KASH5: variants seen among roughly 807,000 people sequenced by gnomAD.
KASH5 encodes the protein protein KASH5.
In KASH5, 72 loss-of-function variants were observed where a neutral mutation model predicts 84.2. The ratio of observed to expected loss-of-function variants is 0.85; its 90% CI spans 0.71 to 1.04. KASH5 has a LOEUF of 1.04. Among genes scored for constraint, KASH5 ranks in the 50% least tolerant of loss-of-function variants. KASH5 has a pLI of 0.00. For synonymous variants in KASH5, 260 were observed against 279.1 expected, an observed-to-expected ratio of 0.93 and a Z score of 0.68; for missense variants, 650 against 701.0, an observed-to-expected ratio of 0.93 and a Z score of 0.82.
intron 16 of KASH5, among the ~76,000 whole-genome samples, chr19:49,413,866 G>A (rs1270039386): frequency 6.6e-6 from 1 of 152,110 alleles, no homozygotes; most frequent in African/African-American, 2.4e-5. Context: ...ATCAGATAGT[G>A]TATGTCTGAC....
Position 49,393,966 on chromosome 19 carries a change from C to T in KASH5, c.44-510C>T, listed in dbSNP as rs1044261833. On this transcript the variant is annotated intron_variant, in intron 2 of 19. Coordinates refer to ENST00000447857, the MANE Select transcript of KASH5 (RefSeq NM_144688.5). ...TGGCCATGGGCTCCAATGATGCCAC[C>T]CTTGCCTTAGGGATGCAGGGAGGAG... 1.3e-4 allele frequency among the ~76,000 whole-genome samples: 20 copies of T among 152,290 alleles called. No individual in the cohort carries two copies. The East Asian group carries it at 3.9e-3, about 29-fold the overall frequency.
chr19:49,394,255 AG>A (rs988591694), intron 2 of KASH5, among the ~76,000 whole-genome samples: 3 of 152,158 alleles, frequency 2.0e-5, no homozygotes, highest in African/African-American at 4.8e-5. Flanking sequence ...AAAAGACAGC[AG>A]GGGGGACTTC....
At position 49,414,686 on chromosome 19, in the gene KASH5, G is replaced by A. The variant is rs74942413; in HGVS notation, c.1329-265G>A. Among the ~76,000 whole-genome samples the A allele has an allele frequency of 0.019, 2,846 of 146,358 alleles. 47 individuals carry two copies. The highest frequency in any genetic ancestry group is 0.064 in the African/African-American group (2,342 of 36,716). ...CATATGCAGGACACCCCCCAGGCCC[G>A]TCCGTGCTGCCTGGCCTCCCCCAGG... On this transcript the variant is annotated intron_variant, in intron 16 of 19. Transcript: ENST00000447857. The surrounding 1 kb of genome is among the most constrained non-coding windows in gnomAD (Gnocchi z 4.5).
intron 9 of KASH5, among the ~76,000 whole-genome samples, chr19:49,405,480 A>G (rs1352388857): frequency 6.6e-6 from 1 of 151,414 alleles, no homozygotes; most frequent in Non-Finnish European, 1.5e-5. Context: ...AAAAAGAAAG[A>G]AAAAGGAGCA....
chr19:49,413,765 G>A (rs779389093), intron 16 of KASH5, among the ~76,000 whole-genome samples: 4 of 152,152 alleles, frequency 2.6e-5, no homozygotes, highest in Non-Finnish European at 4.4e-5. Flanking sequence ...TGGGAGTGAG[G>A]AAGGTGGTGA....
intron 17 of KASH5, chr19:49,415,515 A>T (rs1438805921): frequency 2.5e-5 from 5 of 204,054 alleles, no homozygotes; most frequent in Non-Finnish European, 5.0e-5. Flanking sequence ...AGAGGTGAGG[A>T]GCCCTCAGTT....
In KASH5 at chr19:49,399,548, C is replaced by T; in HGVS notation, c.798+41C>T. 1 of 1,579,840 alleles carries T rather than the reference C, an allele frequency of 6.3e-7. No individual in the cohort carries two copies. The highest frequency in any genetic ancestry group is 8.6e-7 in the Non-Finnish European group (1 of 1,162,554). On this transcript the variant is annotated intron_variant, in intron 9 of 19. Transcript: ENST00000447857. The surrounding 1 kb of genome is among the most constrained non-coding windows in gnomAD (Gnocchi z 4.4). ...GCACCACCCCCACCCCTTCCCCAGT[C>T]CTTAAGGTCTTCTTGACACCACTCC... is the stretch of plus-strand genomic sequence containing the variant.
At chr19:49,389,688 G>C (rs1195693933) in intron 1 of KASH5, 1 of 152,372 alleles carries the variant, frequency 6.6e-6, no homozygotes, top group Non-Finnish European at 1.5e-5. Context: ...GCCCAGGCTC[G>C]ACTGGTGGCC....
In KASH5 at chr19:49,395,852, G is replaced by C. The variant is rs1241197074; in HGVS notation, c.400+19G>C. The C allele has an allele frequency of 6.5e-7, 1 of 1,548,920 alleles. No individual in the cohort carries two copies. The highest frequency in any genetic ancestry group is 8.7e-7 in the Non-Finnish European group (1 of 1,145,614). On this transcript the variant is annotated intron_variant, in intron 5 of 19. Coordinates refer to ENST00000447857, the MANE Select transcript of KASH5 (RefSeq NM_144688.5). This position sits in a 1 kb window ranked among gnomAD's most constrained non-coding sequence, Gnocchi z 4.4. ...CCATCTGGTGAGATTGCTATATATA[G>C]AATGAAGCAGGCAGGCCCTGGGTCA... is the stretch of plus-strand genomic sequence containing the variant.
intron 15 of KASH5, among the ~76,000 whole-genome samples, chr19:49,411,238 C>G (rs984063357): frequency 1.3e-5 from 2 of 150,242 alleles, no homozygotes; most frequent in African/African-American, 4.8e-5. Context: ...GCTCTGGGCT[C>G]TCTCTCTATT....
chr19:49,398,119 T>C lies in KASH5; in HGVS notation c.605T>C (p.Leu202Ser), dbSNP rs777853820. 7.5e-6 allele frequency: 12 copies of C among 1,595,776 alleles called. No homozygotes were observed. Among genetic ancestry groups the C allele is most frequent in the Non-Finnish European group, 1.0e-5 (12 of 1,166,332 alleles). Reference protein sequence around the residue: ...EGSARLGEEILALRKQLHSTQ... With the variant: ...EGSARLGEEISALRKQLHSTQ... ...TCAGCACGCCTTGGGGAGGAGATCTTGGCTCTGCGTAAGCAGCTTCACAGG... is the reference window on the plus strand; with the variant it reads ...TCAGCACGCCTTGGGGAGGAGATCTCGGCTCTGCGTAAGCAGCTTCACAGG... The change falls in exon 7 of 20, where the codon TTG becomes TCG. Residue 202 changes from leucine (L) to serine (S), a missense_variant. By Grantham distance (145) the Leu-to-Ser change is moderately radical. Coordinates refer to ENST00000447857, the MANE Select transcript of KASH5 (RefSeq NM_144688.5).
intron 5 of KASH5, among the ~76,000 whole-genome samples, chr19:49,396,599 C>A (rs1974190828): frequency 6.6e-6 from 1 of 152,186 alleles, no homozygotes; most frequent in Admixed American, 6.5e-5. Flanking sequence ...ATGCCCCTGG[C>A]TAGAGTTCCT....
rs1391613589 is a variant in KASH5, at chr19:49,417,378, A to T, written c.1557A>T (p.Arg519=). Reference sequence around the variant, plus strand: ...CCCACCTCCCCACCAGAGTCACTCGACATCCACTGATCCCAGCTCCTGTCC... The same window carrying T: ...CCCACCTCCCCACCAGAGTCACTCGTCATCCACTGATCCCAGCTCCTGTCC... ...CLPPQRLRVT[R]HPLIPAPVLG... The change falls in exon 20 of 20, where the codon CGA becomes CGT. Residue 519 remains arginine (R), a synonymous_variant. Coordinates refer to ENST00000447857, the MANE Select transcript of KASH5 (RefSeq NM_144688.5). This position sits in a 1 kb window ranked among gnomAD's most constrained non-coding sequence, Gnocchi z 5.2. The T allele has an allele frequency of 6.4e-7, 1 of 1,552,660 alleles. No individual in the cohort carries two copies. Among genetic ancestry groups the T allele is most frequent in the East Asian group, 2.4e-5 (1 of 41,072 alleles).
rs376414846 is a variant in KASH5 at position 49,417,098 on chromosome 19, T to C, written c.1439+19T>C. Reference sequence around the variant, plus strand: ...CAGAGAGGTAATAGGACCCACAGGGTCCAGGAGGGACACTGGGGCAAGGAA... The same window carrying C: ...CAGAGAGGTAATAGGACCCACAGGGCCCAGGAGGGACACTGGGGCAAGGAA... On this transcript the variant is annotated intron_variant, in intron 18 of 19. Transcript: ENST00000447857. The surrounding 1 kb of genome is among the most constrained non-coding windows in gnomAD (Gnocchi z 5.2). The C allele has an allele frequency of 5.6e-5, 90 of 1,604,638 alleles. No homozygotes were observed. In the African/African-American group the frequency reaches 1.1e-3, roughly 20 times the overall value.
intron 9 of KASH5, among the ~76,000 whole-genome samples, chr19:49,401,447 G>T (rs1242674276): frequency 6.6e-6 from 1 of 152,212 alleles, no homozygotes; most frequent in Non-Finnish European, 1.5e-5. Context: ...AGGACACAGG[G>T]CTGGGGTGGG....
At chr19:49,392,869 G>C (rs1395813148) in intron 2 of KASH5, among the ~76,000 whole-genome samples, 1 of 151,294 alleles carries the variant, frequency 6.6e-6, no homozygotes, top group Admixed American at 6.6e-5. Context: ...CGGAGATCAC[G>C]CTACTGCACT....
intron 5 of KASH5, among the ~76,000 whole-genome samples, chr19:49,396,775 G>C (rs1974195737): frequency 1.0e-5 from 1 of 97,242 alleles, no homozygotes; most frequent in South Asian, 2.9e-4. Flanking sequence ...CATAAAAAAA[G>C]TGGTCATGAT....
In KASH5 at chr19:49,394,475, G is replaced by T. The variant is rs1230862464; in HGVS notation, c.44-1G>T. ...TGAGCTGAGCCCTCTTGTCTCCCCA[G>T]TGTACCTCCGGGAGCGGCCTGAGGA... On this transcript the variant is annotated splice_acceptor_variant, in intron 2 of 19. Transcript: ENST00000447857. LOFTEE classifies it high-confidence loss of function. 1.9e-6 allele frequency: 3 copies of T among 1,613,328 alleles called. No homozygotes were observed. The highest frequency in any genetic ancestry group is 2.5e-6 in the Non-Finnish European group (3 of 1,179,454).
rs1300753701 is a variant in KASH5 at position 49,395,845 on chromosome 19, A to G, written c.400+12A>G. 5.2e-6 allele frequency: 8 copies of G among 1,551,582 alleles called. No homozygotes were observed. In the South Asian group the frequency reaches 8.3e-5, roughly 16 times the overall value. Reference sequence around the variant, plus strand: ...GCAACTGCCATCTGGTGAGATTGCTATATATAGAATGAAGCAGGCAGGCCC... The same window carrying G: ...GCAACTGCCATCTGGTGAGATTGCTGTATATAGAATGAAGCAGGCAGGCCC... On this transcript the variant is annotated intron_variant, in intron 5 of 19. Coordinates refer to ENST00000447857, the MANE Select transcript of KASH5 (RefSeq NM_144688.5). This position sits in a 1 kb window ranked among gnomAD's most constrained non-coding sequence, Gnocchi z 4.4.
Sources: gnomAD v4.1 joint callset for allele counts (sites outside exome capture counted in the v4.1 genomes callset) on GRCh38, gnomAD v4.1.1 for gene constraint, Gnocchi (gnomAD v3.1) non-coding constraint, MANE v1.5 for transcripts, NCBI Gene and HGNC (gene_info 2026-07-23, HGNC 2026-07-21) for gene names.